Variants in ZFP62 observed in about 807,000 individuals in gnomAD.
ZFP62 encodes the protein ZFP62 zinc finger protein.
Under a neutral mutation model 56.4 loss-of-function variants are expected in ZFP62, and 44 were observed. The observed-to-expected ratio is 0.78, with a 90% CI of 0.61 to 1.00. ZFP62 has a LOEUF of 1.00. ZFP62 is among the 50% of genes least tolerant of loss of function. The pLI is 0.00. For synonymous variants in ZFP62, 421 were observed against 388.9 expected (o/e 1.08, Z -0.97); for missense variants, 1,030 against 1,085.7 (o/e 0.95, Z 0.72).
At chr5:180,846,574 C>G (rs141884106), downstream of ZFP62, among the ~76,000 whole-genome samples, 1 of 151,972 alleles carries the variant, frequency 6.6e-6, no homozygotes, top group African/African-American at 2.4e-5. Context: ...TGCCTGGGCA[C>G]TTCCGTAGCT....
rs2113670134 is a variant in ZFP62 at position 180,848,285 on chromosome 5, A to T, written c.*507T>A. On this transcript the variant is annotated 3_prime_UTR_variant, in exon 2 of 2. Transcript: ENST00000502412. ...ACCAATTACATCAAGTTTATACTTA[A>T]AGACCACTAATATTAAATAAATTTA... 1 of 985,528 alleles carries T rather than the reference A, an allele frequency of 1.0e-6. No individual in the cohort carries two copies. The highest frequency in any genetic ancestry group is 1.2e-6 in the Non-Finnish European group (1 of 829,988). 61.0% of individuals were successfully genotyped at this position (985,528 alleles called of 1,614,324 possible).
At chr5:180,831,939 C>G in the ZFP62 span, 2 of 153,084 alleles carry the variant, frequency 1.3e-5, no homozygotes, top group African/African-American at 4.8e-5. Flanking sequence ...CCCCTGTGAC[C>G]AGGTCAGGCT....
the ZFP62 span, among the ~76,000 whole-genome samples, chr5:180,840,182 GTGCC>G: frequency 1.3e-5 from 2 of 152,218 alleles, no homozygotes; most frequent in Non-Finnish European, 2.9e-5. Flanking sequence ...ACTGTCCCAT[GTGCC>G]TGACTGCTTG....
Position 180,851,127 on chromosome 5 carries a change from T to C in ZFP62, c.368A>G (p.Asn123Ser). 4 of 1,551,746 alleles carry C rather than the reference T, an allele frequency of 2.6e-6. No individual in the cohort carries two copies. The highest frequency in any genetic ancestry group is 2.6e-6 in the Non-Finnish European group (3 of 1,146,988). ...CTGTAGACTAGGGTAGGAGGTTCCATTAATGTTCTCCACACGTTTGCCTTG... is the reference window on the plus strand; with the variant it reads ...CTGTAGACTAGGGTAGGAGGTTCCACTAATGTTCTCCACACGTTTGCCTTG... ...SEQGKRVENINGTSYPSLQQK... is the reference protein window; with the variant it reads ...SEQGKRVENISGTSYPSLQQK... Residue 123 changes from asparagine (N) to serine (S), a missense_variant, in exon 2 of 2, where the codon AAT (asparagine) becomes AGT (serine). Physicochemically the swap from Asn to Ser is conservative, Grantham distance 46. Coordinates refer to ENST00000502412, the MANE Select transcript of ZFP62 (RefSeq NM_001172638.2).
chr5:180,842,116 G>T, the ZFP62 span, among the ~76,000 whole-genome samples: 1 of 152,138 alleles, frequency 6.6e-6, no homozygotes, highest in Non-Finnish European at 1.5e-5. Context: ...CACTCAATGG[G>T]TATATTTAAG....
Position 180,850,022 on chromosome 5 carries a change from G to A in ZFP62, c.1473C>T (p.Ser491=), listed in dbSNP as rs779933047. Residue 491 remains serine (S), a synonymous_variant, in exon 2 of 2, where the codon AGC becomes AGT. Coordinates refer to ENST00000502412, the MANE Select transcript of ZFP62 (RefSeq NM_001172638.2). ...VCGKAYISRS[S]LKNHKGIHLG... Reference sequence around the variant, plus strand: ...GGTGGATTCCTTTGTGATTTTTAAGGCTAGAGCGTGAGATATAGGCTTTCC... The same window carrying A: ...GGTGGATTCCTTTGTGATTTTTAAGACTAGAGCGTGAGATATAGGCTTTCC... The A allele has an allele frequency of 2.4e-5, 37 of 1,551,600 alleles. 1 individual carries two copies. The South Asian group carries it at 4.0e-4, about 17-fold the overall frequency.
the ZFP62 span, among the ~76,000 whole-genome samples, chr5:180,829,737 G>T: frequency 6.6e-6 from 1 of 152,158 alleles, no homozygotes; most frequent in African/African-American, 2.4e-5. Flanking sequence ...CATCAGTGAC[G>T]TGACTTAGCC....
At chr5:180,828,606 G>A in the ZFP62 span, among the ~76,000 whole-genome samples, 137 of 152,316 alleles carry the variant, frequency 9.0e-4, no homozygotes, top group African/African-American at 3.2e-3. Context: ...TTCATAAGCT[G>A]AGCATGTATG....
the ZFP62 span, among the ~76,000 whole-genome samples, chr5:180,827,683 G>A: frequency 6.6e-5 from 10 of 152,308 alleles, no homozygotes; most frequent in South Asian, 2.1e-4. Flanking sequence ...CCCGACACCC[G>A]TAAAGGGTCT....
the ZFP62 span, among the ~76,000 whole-genome samples, chr5:180,827,428 G>A: frequency 5.9e-5 from 9 of 152,352 alleles, no homozygotes; most frequent in East Asian, 1.5e-3. Context: ...AACGTGTGCT[G>A]TGTCAACTCA....
the ZFP62 span, among the ~76,000 whole-genome samples, chr5:180,828,948 T>C: frequency 5.9e-5 from 9 of 152,186 alleles, no homozygotes; most frequent in African/African-American, 1.7e-4. Context: ...GGAGTGTCTG[T>C]CCTATGCGGT....
the ZFP62 span, among the ~76,000 whole-genome samples, chr5:180,839,149 T>A: frequency 4.1e-4 from 62 of 152,206 alleles, no homozygotes; most frequent in Non-Finnish European, 7.8e-4. Context: ...TGTGCCAATA[T>A]CATGTATATA....
the ZFP62 span, among the ~76,000 whole-genome samples, chr5:180,833,835 TAA>T: frequency 1.3e-5 from 2 of 152,012 alleles, no homozygotes; most frequent in Non-Finnish European, 2.9e-5. Context: ...CACACCTGGC[TAA>T]GTTTTGTATT....
downstream of ZFP62, among the ~76,000 whole-genome samples, chr5:180,847,349 T>C (rs752009588): frequency 1.6e-5 from 2 of 121,398 alleles, no homozygotes; most frequent in East Asian, 2.6e-4. Context: ...GTGTGGTGAC[T>C]GATCACTCAC....
Position 180,851,120 on chromosome 5 carries a change from G to C in ZFP62, c.375C>G (p.Thr125=), listed in dbSNP as rs1044005466. The change falls in exon 2 of 2, where the codon ACC becomes ACG. Residue 125 remains threonine, a synonymous_variant. Coordinates refer to ENST00000502412, the MANE Select transcript of ZFP62 (RefSeq NM_001172638.2). ...QGKRVENING[T]SYPSLQQKTN... is the part of the protein sequence containing the mutation. ...TTTTCTGCTGTAGACTAGGGTAGGAGGTTCCATTAATGTTCTCCACACGTT... is the reference window on the plus strand; with the variant it reads ...TTTTCTGCTGTAGACTAGGGTAGGACGTTCCATTAATGTTCTCCACACGTT... 11 of 1,551,568 alleles carry C rather than the reference G, an allele frequency of 7.1e-6. No individual in the cohort carries two copies. Among genetic ancestry groups the C allele is most frequent in the African/African-American group, 2.7e-5 (2 of 73,036 alleles).
At chr5:180,845,312 G>C (rs1291316008), downstream of ZFP62, among the ~76,000 whole-genome samples, 1 of 111,248 alleles carries the variant, frequency 9.0e-6, no homozygotes, top group African/African-American at 3.5e-5. Context: ...CTGGGCGACA[G>C]AACGAGACCG....
At chr5:180,836,439 T>G in the ZFP62 span, among the ~76,000 whole-genome samples, 1 of 152,200 alleles carries the variant, frequency 6.6e-6, no homozygotes, top group Non-Finnish European at 1.5e-5. Flanking sequence ...TACCTCAGTC[T>G]TCACACAGTG....
intron 1 of ZFP62, among the ~76,000 whole-genome samples, chr5:180,855,808 C>T (rs1773938407): frequency 6.6e-6 from 1 of 152,214 alleles, no homozygotes; most frequent in South Asian, 2.1e-4. Context: ...TTCTGCATGA[C>T]TGCCATCGTT....
rs1480080655 is a variant in ZFP62, at chr5:180,850,839, T to C, written c.656A>G (p.His219Arg). ...ACATTTACAGTTCTTCTCCCCAGAA[T>C]GGGTGCTTTTGTGGTTTATAAGGCT... ...YSSLINHKSTHSGEKNCKCDE... is the reference protein window; with the variant it reads ...YSSLINHKSTRSGEKNCKCDE... Residue 219 changes from histidine to arginine, a missense_variant, in exon 2 of 2, where the codon CAT becomes CGT. Coordinates refer to ENST00000502412, the MANE Select transcript of ZFP62 (RefSeq NM_001172638.2). The C allele has an allele frequency of 6.4e-7, 1 of 1,564,546 alleles. No homozygotes were observed.
Sources: gnomAD v4.1 joint callset for allele counts (sites outside exome capture counted in the v4.1 genomes callset) on GRCh38, gnomAD v4.1.1 for gene constraint, MANE v1.5 for transcripts, NCBI Gene and HGNC (gene_info 2026-07-23, HGNC 2026-07-21) for gene names.